Variants in KLF12 observed in about 807,000 individuals in gnomAD.
KLF12 encodes Krueppel-like factor 12.
KLF12 carries 9 observed loss-of-function variants against 37.8 expected under a neutral mutation model. The ratio of observed to expected loss-of-function variants is 0.24; its 90% CI spans 0.14 to 0.42. The LOEUF is 0.42. KLF12 is among the 10% of genes least tolerant of loss of function. The pLI, the probability that KLF12 is intolerant of heterozygous loss-of-function variation, is 1.00. For synonymous variants in KLF12, 208 were observed against 202.1 expected (o/e 1.03, Z -0.25); for missense variants, 411 against 516.0 (o/e 0.80, Z 1.97).
At chr13:73,970,595 T>A (rs540879600) in intron 2 of KLF12, among the ~76,000 whole-genome samples, 13 of 152,258 alleles carry the variant, frequency 8.5e-5, no homozygotes, top group African/African-American at 2.4e-4. Context: ...TTCTGCCAGT[T>A]CTACCATATG....
the KLF12 span, among the ~76,000 whole-genome samples, chr13:74,222,827 CAAGT>C: frequency 6.6e-6 from 1 of 152,154 alleles, no homozygotes; most frequent in Admixed American, 6.5e-5. Context: ...GAGAAGTGAT[CAAGT>C]TGGTATTGTT....
chr13:74,118,572 C>A (rs1319601703), intron 1 of KLF12, among the ~76,000 whole-genome samples: 1 of 152,144 alleles, frequency 6.6e-6, no homozygotes, highest in African/African-American at 2.4e-5. Flanking sequence ...GACAAAGTGG[C>A]TGACTCAGTT....
At chr13:74,243,605 C>A in the KLF12 span, among the ~76,000 whole-genome samples, 3 of 152,196 alleles carry the variant, frequency 2.0e-5, no homozygotes, top group Non-Finnish European at 4.4e-5. Context: ...TCCACATCCT[C>A]TCCAGCATCT....
At chr13:74,080,935 G>T (rs897655878) in intron 1 of KLF12, among the ~76,000 whole-genome samples, 3 of 152,162 alleles carry the variant, frequency 2.0e-5, no homozygotes, top group African/African-American at 7.2e-5. Context: ...TCACTGAACT[G>T]ATAACAGTGG....
intron 6 of KLF12, 37 bp downstream of exon 6, chr13:73,764,901 A>T: frequency 8.3e-7 from 1 of 1,208,778 alleles, no homozygotes; most frequent in Non-Finnish European, 1.2e-6. Flanking sequence ...AGTTTCCCGT[A>T]AGACCTACAA....
At chr13:74,285,057 G>A in the KLF12 span, among the ~76,000 whole-genome samples, 1 of 152,116 alleles carries the variant, frequency 6.6e-6, no homozygotes, top group Non-Finnish European at 1.5e-5. Flanking sequence ...TATGGAGGAG[G>A]ACAAGTAACT....
At chr13:74,301,726 C>A in the KLF12 span, among the ~76,000 whole-genome samples, 1 of 152,112 alleles carries the variant, frequency 6.6e-6, no homozygotes, top group Admixed American at 6.6e-5. Context: ...TTGTTCCTGC[C>A]TTTCAAGAAC....
At chr13:73,895,527 C>T (rs1887721520) in intron 3 of KLF12, among the ~76,000 whole-genome samples, 3 of 152,134 alleles carry the variant, frequency 2.0e-5, no homozygotes, top group Admixed American at 2.0e-4. Flanking sequence ...CTGATCTATG[C>T]CAGTCCTCGT....
intron 3 of KLF12, among the ~76,000 whole-genome samples, chr13:73,871,156 T>G (rs1026184432): frequency 6.6e-6 from 1 of 152,140 alleles, no homozygotes; most frequent in Non-Finnish European, 1.5e-5. Flanking sequence ...CTGGTTTGGT[T>G]GCCAGCAACA....
At chr13:74,201,666 A>C in the KLF12 span, among the ~76,000 whole-genome samples, 1 of 152,110 alleles carries the variant, frequency 6.6e-6, no homozygotes, top group African/African-American at 2.4e-5. Flanking sequence ...GGAACAGATA[A>C]ATGCAGAGAT....
intron 2 of KLF12, among the ~76,000 whole-genome samples, chr13:73,948,543 G>C (rs890955987): frequency 6.6e-6 from 1 of 152,196 alleles, no homozygotes; most frequent in African/African-American, 2.4e-5. Context: ...GGTTTGCAAT[G>C]CAAGAGTGCC....
chr13:74,240,134 G>A, the KLF12 span, among the ~76,000 whole-genome samples: 1 of 152,148 alleles, frequency 6.6e-6, no homozygotes, highest in Admixed American at 6.5e-5. Flanking sequence ...TGTAAGGCAG[G>A]CCTGGTGGTG....
the KLF12 span, among the ~76,000 whole-genome samples, chr13:74,286,015 A>G: frequency 1.3e-5 from 2 of 152,088 alleles, no homozygotes; most frequent in Admixed American, 1.3e-4. Context: ...TCCCATACAC[A>G]CACAAAATTA....
chr13:74,048,192 A>G (rs1371273526), intron 1 of KLF12, among the ~76,000 whole-genome samples: 1 of 152,226 alleles, frequency 6.6e-6, no homozygotes, highest in Non-Finnish European at 1.5e-5. Context: ...TGCTCACTAT[A>G]CATCAGCTTA....
chr13:74,263,935 T>G, the KLF12 span, among the ~76,000 whole-genome samples: 1 of 152,304 alleles, frequency 6.6e-6, no homozygotes, highest in East Asian at 1.9e-4. Flanking sequence ...GTTTGTTTTT[T>G]TTCTAGGCAG....
chr13:74,206,434 A>C, the KLF12 span, among the ~76,000 whole-genome samples: 2 of 152,282 alleles, frequency 1.3e-5, no homozygotes, highest in East Asian at 3.9e-4. Flanking sequence ...TCAGGCTTCC[A>C]TTCCCTGCAT....
At chr13:73,805,357 T>C (rs1025436146) in intron 5 of KLF12, among the ~76,000 whole-genome samples, 4 of 152,052 alleles carry the variant, frequency 2.6e-5, no homozygotes, top group Non-Finnish European at 5.9e-5. Flanking sequence ...TGGTGGCTCA[T>C]GCCTACAATC....
At chr13:74,051,522 G>C (rs986626026) in intron 1 of KLF12, among the ~76,000 whole-genome samples, 2 of 152,092 alleles carry the variant, frequency 1.3e-5, no homozygotes, top group African/African-American at 4.8e-5. Context: ...GATAAAGAAA[G>C]TAAAATGAGT....
intron 3 of KLF12, among the ~76,000 whole-genome samples, chr13:73,941,617 T>G (rs1043352620): frequency 4.6e-5 from 7 of 152,146 alleles, no homozygotes; most frequent in Non-Finnish European, 1.0e-4. Flanking sequence ...ATCTTCTCAA[T>G]GAAAAACCCA....
Sources: allele counts gnomAD v4.1 joint callset (sites outside exome capture counted in the v4.1 genomes callset), GRCh38; gene constraint gnomAD v4.1.1; transcripts MANE v1.5; gene names NCBI Gene and HGNC (gene_info 2026-07-23, HGNC 2026-07-21).